The following COL14A1 variants were observed in gnomAD, a reference collection of about 807,000 sequenced individuals.
COL14A1 encodes collagen type XIV alpha 1 chain.
A neutral mutation model predicts 230.3 loss-of-function variants in COL14A1; 136 were observed. That is an observed-to-expected ratio of 0.59 (90% confidence interval 0.51 to 0.68). COL14A1 has a LOEUF of 0.68. Among genes scored for constraint, COL14A1 ranks in the 30% least tolerant of loss-of-function variants. The pLI is 0.00. For missense variants in COL14A1, 1,976 were observed against 2,215.8 expected (o/e 0.89, Z 2.17); for synonymous variants, 792 against 784.1 (o/e 1.01, Z -0.17).
rs1216991829 is a variant in COL14A1 at position 120,207,099 on chromosome 8, TAAG to T, written c.1191+6_1191+8del. On this transcript the variant is annotated splice_donor_region_variant and intron_variant, in intron 10 of 47. Transcript: ENST00000297848. ...AGGGGTGGAAAACCAGACGAGGTAA[TAAG>T]GAGAGAGTATTTTCAAACCATTCTT... is the stretch of plus-strand genomic sequence containing the variant. 1 of 1,608,148 alleles carries T rather than the reference TAAG, an allele frequency of 6.2e-7. No homozygotes were observed. Among genetic ancestry groups the T allele is most frequent in the South Asian group, 1.1e-5 (1 of 89,540 alleles).
Position 120,367,177 on chromosome 8 carries a change from C to G in COL14A1, c.5084C>G (p.Thr1695Ser), listed in dbSNP as rs754665102. ...VPGTPGERGLTGIKGEKGNPG... is the reference protein window; with the variant it reads ...VPGTPGERGLSGIKGEKGNPG... ...TAAAAATTATTTTAAACAGGTCTAA[C>G]TGGTATCAAAGGAGAAAAAGGAAAT... Residue 1695 changes from threonine to serine, a missense_variant, in exon 46 of 48, where the codon ACT (threonine) becomes AGT (serine). Thr to Ser is a moderately conservative substitution (Grantham distance 58). This residue lies in a region of COL14A1 where 1,791 missense variants were observed against 2,019.5 expected (regional missense o/e 0.89). Transcript: ENST00000297848. The G allele has an allele frequency of 1.9e-6, 3 of 1,611,490 alleles. No homozygotes were observed. Among genetic ancestry groups the G allele is most frequent in the African/African-American group, 1.3e-5 (1 of 74,770 alleles).
rs991246785 is a variant in COL14A1 at position 120,199,386 on chromosome 8, C to T, written c.713-16C>T. Reference sequence around the variant, plus strand: ...TTAGAGATAGCTGGTGTTTACTTTTCCTTGTTTTCTCCAAGGTCTTGCTTT... The same window carrying T: ...TTAGAGATAGCTGGTGTTTACTTTTTCTTGTTTTCTCCAAGGTCTTGCTTT... On this transcript the variant is annotated splice_polypyrimidine_tract_variant and intron_variant, in intron 7 of 47. Transcript: ENST00000297848. 1 of 1,555,820 alleles carries T rather than the reference C, an allele frequency of 6.4e-7. No homozygotes were observed. Among genetic ancestry groups the T allele is most frequent in the African/African-American group, 1.4e-5 (1 of 71,222 alleles).
chr8:120,221,984 A>AT (rs1158046112), intron 14 of COL14A1, among the ~76,000 whole-genome samples: 1 of 111,576 alleles, frequency 9.0e-6, no homozygotes, highest in African/African-American at 4.0e-5. Context: ...TTGAACTCAC[A>AT]TTTTTTTAAC....
intron 45 of COL14A1, among the ~76,000 whole-genome samples, chr8:120,360,560 T>G (rs1251485021): frequency 6.6e-6 from 1 of 152,230 alleles, no homozygotes; most frequent in Non-Finnish European, 1.5e-5. Context: ...GTCACTTCTT[T>G]AGCAGATAAT....
chr8:120,243,728 C>T lies in COL14A1; in HGVS notation c.2350-151C>T, dbSNP rs77101749. On this transcript the variant is annotated intron_variant, in intron 19 of 47. Coordinates refer to ENST00000297848, the MANE Select transcript of COL14A1 (RefSeq NM_021110.4). The stretch of plus-strand genomic sequence containing the variant: ...CTGTGATGGGAATTTCAGGGAGAAA[C>T]GCTTTTGCATGAGTGCCCTTTCTTT... 1,179 of 825,468 alleles carry T rather than the reference C, an allele frequency of 1.4e-3. 9 individuals carry two copies. In the African/African-American group the frequency reaches 0.015, roughly 11 times the overall value. 51.1% of individuals were successfully genotyped at this position (825,468 alleles called of 1,614,324 possible).
Position 120,196,933 on chromosome 8 carries a change from G to A in COL14A1, c.579G>A (p.Glu193=), listed in dbSNP as rs1817057198. 1 of 1,613,786 alleles carries A rather than the reference G, an allele frequency of 6.2e-7. No homozygotes were observed. Among genetic ancestry groups the A allele is most frequent in the South Asian group, 1.1e-5 (1 of 91,016 alleles). ...TTACAGCATTCGATGTGGGCTCAGA[G>A]AAGACACGAATTGGTATAATTTCTA... ...NLVTAFDVGS[E]KTRIGLAQYS... is the part of the protein sequence containing the mutation. The change falls in exon 6 of 48, where the codon GAG becomes GAA. Residue 193 remains glutamate, a synonymous_variant. Coordinates refer to ENST00000297848, the MANE Select transcript of COL14A1 (RefSeq NM_021110.4).
intron 1 of COL14A1, among the ~76,000 whole-genome samples, chr8:120,130,043 T>C (rs1697855135): frequency 6.6e-6 from 1 of 152,174 alleles, no homozygotes; most frequent in Admixed American, 6.5e-5. Context: ...TGGTGAAGGA[T>C]CAAGTTTGGT....
intron 14 of COL14A1, among the ~76,000 whole-genome samples, chr8:120,219,495 G>A (rs1454548388): frequency 6.6e-6 from 1 of 152,184 alleles, no homozygotes; most frequent in East Asian, 1.9e-4. Context: ...ATTTGCAGGT[G>A]TATTCCTCAT....
At chr8:120,201,479 A>G (rs938214869) in intron 8 of COL14A1, among the ~76,000 whole-genome samples, 1 of 152,200 alleles carries the variant, frequency 6.6e-6, no homozygotes, top group Non-Finnish European at 1.5e-5. Flanking sequence ...TGAGGGCAGA[A>G]AGCTGACTGT....
chr8:120,348,434 A>G (rs1443835937), intron 45 of COL14A1, among the ~76,000 whole-genome samples: 1 of 151,992 alleles, frequency 6.6e-6, no homozygotes, highest in African/African-American at 2.4e-5. Flanking sequence ...TCAGGAATGG[A>G]AAACCAAACA....
chr8:120,240,469 T>G (rs1413335772), intron 19 of COL14A1, among the ~76,000 whole-genome samples: 2 of 152,170 alleles, frequency 1.3e-5, no homozygotes, highest in Non-Finnish European at 2.9e-5. Context: ...ACATCTCTAT[T>G]AAAGTCTGAG....
intron 40 of COL14A1, among the ~76,000 whole-genome samples, chr8:120,327,194 C>T (rs1821704533): frequency 1.3e-5 from 2 of 152,064 alleles, no homozygotes; most frequent in Non-Finnish European, 2.9e-5. Context: ...CTGATTGGAC[C>T]CCCTTTACTT....
Position 120,207,023 on chromosome 8 carries a change from A to T in COL14A1, c.1120A>T (p.Thr374Ser). 1 of 1,613,890 alleles carries T rather than the reference A, an allele frequency of 6.2e-7. No homozygotes were observed. The highest frequency in any genetic ancestry group is 8.5e-7 in the Non-Finnish European group (1 of 1,179,916). ...TGCCAGAAGCTTTATGGTTAACTGG[A>T]CTCATGCCCCAGGAAATGTGGAAAA... ...VTARSFMVNW[T>S]HAPGNVEKYR... Residue 374 changes from threonine to serine, a missense_variant, in exon 10 of 48, where the codon ACT becomes TCT. Around this residue, in one of 3 missense-constraint regions of COL14A1, gnomAD observed 1,791 missense variants for 2,019.5 expected, o/e 0.89. Transcript: ENST00000297848.
At chr8:120,322,044 G>A (rs1821469627) in intron 40 of COL14A1, among the ~76,000 whole-genome samples, 3 of 151,816 alleles carry the variant, frequency 2.0e-5, no homozygotes, top group Admixed American at 2.0e-4. Flanking sequence ...AGTCATCACT[G>A]CAGGTTACTA....
At chr8:120,152,716 T>C (rs1815330336) in intron 2 of COL14A1, among the ~76,000 whole-genome samples, 1 of 152,134 alleles carries the variant, frequency 6.6e-6, no homozygotes, top group Non-Finnish European at 1.5e-5. Context: ...GTGATGGCTG[T>C]AGGAGAAAAA....
At chr8:120,358,973 A>G (rs1324777504) in intron 45 of COL14A1, among the ~76,000 whole-genome samples, 1 of 152,052 alleles carries the variant, frequency 6.6e-6, no homozygotes, top group Non-Finnish European at 1.5e-5. Context: ...TTAAATTACT[A>G]TGTAAATATA....
chr8:120,331,995 A>G, intron 40 of COL14A1, 146 bp from the exon 41 acceptor site: 2 of 624,394 alleles, frequency 3.2e-6, no homozygotes, highest in Non-Finnish European at 5.6e-6. Flanking sequence ...AACAATTTCC[A>G]TGAAGAGTTT....
chr8:120,320,910 A>T (rs1821416166), intron 40 of COL14A1, among the ~76,000 whole-genome samples: 1 of 152,208 alleles, frequency 6.6e-6, no homozygotes, highest in African/African-American at 2.4e-5. Context: ...AATAACTACG[A>T]ATGCTAGTCA....
At chr8:120,340,778 G>T (rs7823977) in intron 42 of COL14A1, among the ~76,000 whole-genome samples, 67,083 of 151,990 alleles carry the variant, frequency 0.44, 14,993 homozygotes, top group African/African-American at 0.53. Flanking sequence ...TCCCATATTG[G>T]GGAGAATTAG....
Sources: allele counts gnomAD v4.1 joint callset (sites outside exome capture counted in the v4.1 genomes callset), GRCh38; gene constraint gnomAD v4.1.1; regional missense constraint gnomAD v4.1.1; transcripts MANE v1.5; gene names NCBI Gene and HGNC (gene_info 2026-07-23, HGNC 2026-07-21).